The following RAD23B variants were observed in gnomAD, a reference collection of about 807,000 sequenced individuals.
The protein encoded by RAD23B is lysine-specific demethylase RAD23B.
Under a neutral mutation model 49.1 loss-of-function variants are expected in RAD23B, and 5 were observed. The ratio of observed to expected loss-of-function variants is 0.10; its 90% confidence interval spans 0.05 to 0.21. The LOEUF is 0.21. Ranked by LOEUF, RAD23B falls within the 10% of genes least tolerant of loss-of-function variation. The pLI is 1.00. For missense variants in RAD23B, 356 were observed against 486.7 expected (o/e 0.73, Z 2.53); for synonymous variants, 184 against 165.4 (o/e 1.11, Z -0.86).
intron 1 of RAD23B, among the ~76,000 whole-genome samples, chr9:107,295,594 G>A (rs1826496179): frequency 6.6e-6 from 1 of 152,174 alleles, no homozygotes; most frequent in Non-Finnish European, 1.5e-5. Context: ...CAGTACGAGA[G>A]GATGCTGTGA....
At chr9:107,284,150 GA>G (rs199900471) in intron 1 of RAD23B, 38 of 941,836 alleles carry the variant, frequency 4.0e-5, no homozygotes, top group Middle Eastern at 5.5e-4. Context: ...TGAGCCTTAA[GA>G]AAAAAAAAAG....
intron 7 of RAD23B, among the ~76,000 whole-genome samples, chr9:107,323,228 G>A (rs968831246): frequency 6.6e-6 from 1 of 152,116 alleles, no homozygotes; most frequent in African/African-American, 2.4e-5. Flanking sequence ...ATTGTGAATG[G>A]ATTTTAGACT....
intron 5 of RAD23B, among the ~76,000 whole-genome samples, chr9:107,316,094 C>T (rs1259468227): frequency 6.6e-6 from 1 of 151,912 alleles, no homozygotes; most frequent in Non-Finnish European, 1.5e-5. Context: ...ACTGCAATCT[C>T]CGCCTCCGGG....
In RAD23B at chr9:107,318,421, C is replaced by CT. The variant is rs1827037551; in HGVS notation, c.554-330dup. 6.6e-6 allele frequency among the ~76,000 whole-genome samples: 1 copy of CT among 152,202 alleles called. No homozygotes were observed. Among genetic ancestry groups the CT allele is most frequent in the Admixed American group, 6.5e-5 (1 of 15,280 alleles). ...CCCTCTCATCTGCCTCCTCCTACTA[C>CT]TATTAAGGATTCATGTCATTACACT... On this transcript the variant is annotated intron_variant, in intron 5 of 9. Transcript: ENST00000358015. The surrounding 1 kb of genome is among the most constrained non-coding windows in gnomAD (Gnocchi z 4.3).
At chr9:107,299,231 TA>T (rs1481231149) in intron 1 of RAD23B, among the ~76,000 whole-genome samples, 2 of 152,336 alleles carry the variant, frequency 1.3e-5, no homozygotes, top group East Asian at 3.9e-4. Flanking sequence ...CCTTTCTGTC[TA>T]AAACTCAAGA....
chr9:107,284,049 C>A, intron 1 of RAD23B: 3 of 1,032,878 alleles, frequency 2.9e-6, no homozygotes, highest in Non-Finnish European at 3.5e-6. Context: ...GGTATGGGTG[C>A]ACAGGTGGGG....
chr9:107,309,848 G>A lies in RAD23B; in HGVS notation c.498-1834G>A, dbSNP rs757135886. Among the ~76,000 whole-genome samples the A allele has an allele frequency of 2.1e-3, 319 of 150,946 alleles. 3 individuals carry two copies. Among genetic ancestry groups the A allele is most frequent in the Non-Finnish European group, 1.2e-3 (81 of 67,790 alleles). On this transcript the variant is annotated intron_variant, in intron 4 of 9. Transcript: ENST00000358015. ...CAGGAGGCTGAGGCAGGAGAATGGC[G>A]TGAACCCGGGAGGTGGAGCTTGCAG...
chr9:107,315,246 T>TAC (rs1189056818), intron 5 of RAD23B, among the ~76,000 whole-genome samples: 1 of 152,174 alleles, frequency 6.6e-6, no homozygotes, highest in African/African-American at 2.4e-5. Flanking sequence ...TTCCCCGGTG[T>TAC]ATGTTTTTGT....
In RAD23B at chr9:107,283,701, C is replaced by T. The variant is rs1402986852; in HGVS notation, c.66+6C>T. On this transcript the variant is annotated splice_donor_region_variant and intron_variant, in intron 1 of 9. Coordinates refer to ENST00000358015, the MANE Select transcript of RAD23B (RefSeq NM_002874.5). ...ACATTGACCCCGAGGAGACGGTATG[C>T]GCGCGGGCCGGGGGCAGGGGCAGCC... 1 of 1,461,972 alleles carries T rather than the reference C, an allele frequency of 6.8e-7. No individual in the cohort carries two copies. Among genetic ancestry groups the T allele is most frequent in the Non-Finnish European group, 9.1e-7 (1 of 1,102,392 alleles). 90.6% of individuals were successfully genotyped at this position (1,461,972 alleles called of 1,614,324 possible).
At chr9:107,289,466 A>G (rs11573622) in intron 1 of RAD23B, among the ~76,000 whole-genome samples, 8,985 of 152,172 alleles carry the variant, frequency 0.059, 383 homozygotes, top group South Asian at 0.12. Context: ...GATGACAGGC[A>G]TGAGCCAGCA....
intron 9 of RAD23B, 140 bp downstream of exon 9, chr9:107,325,144 A>G (rs761858289): frequency 3.4e-5 from 22 of 645,112 alleles, no homozygotes; most frequent in Admixed American, 2.2e-4. Context: ...GTGAAACCCC[A>G]TCTCTACTAA....
chr9:107,326,813 T>G lies in RAD23B; in HGVS notation c.1116+1809T>G, dbSNP rs959940052. 4.0e-5 allele frequency among the ~76,000 whole-genome samples: 6 copies of G among 151,468 alleles called. No individual in the cohort carries two copies. The East Asian group carries it at 1.2e-3, about 30-fold the overall frequency. ...CATGCCCGGCTAATTTTGTTTTGTA[T>G]TTTTTTAGTAGAGACGGGGTTTCAA... On this transcript the variant is annotated intron_variant, in intron 9 of 9. Coordinates refer to ENST00000358015, the MANE Select transcript of RAD23B (RefSeq NM_002874.5).
intron 1 of RAD23B, among the ~76,000 whole-genome samples, chr9:107,292,876 T>C (rs116272306): frequency 0.015 from 2,241 of 152,272 alleles, 52 homozygotes; most frequent in African/African-American, 0.051. Context: ...TCTACCTGTG[T>C]ACTAGTTAAC....
At chr9:107,289,783 G>A (rs1417628905) in intron 1 of RAD23B, among the ~76,000 whole-genome samples, 1 of 152,084 alleles carries the variant, frequency 6.6e-6, no homozygotes, top group Admixed American at 6.6e-5. Flanking sequence ...TTGGTATATG[G>A]GTTTTGAAAT....
At chr9:107,290,572 A>C (rs1357462616) in intron 1 of RAD23B, among the ~76,000 whole-genome samples, 1 of 152,230 alleles carries the variant, frequency 6.6e-6, no homozygotes, top group Non-Finnish European at 1.5e-5. Flanking sequence ...GTCCTTAAGC[A>C]CAATACTTTT....
intron 4 of RAD23B, 23 bp downstream of exon 4, chr9:107,306,670 T>C (rs775115586): frequency 6.3e-7 from 1 of 1,591,984 alleles, no homozygotes; most frequent in Admixed American, 1.8e-5. Context: ...TTCTAGGACA[T>C]TCTATCTCAA....
At chr9:107,296,822 A>C (rs763000224) in intron 1 of RAD23B, among the ~76,000 whole-genome samples, 1 of 149,106 alleles carries the variant, frequency 6.7e-6, no homozygotes, top group Non-Finnish European at 1.5e-5. Flanking sequence ...GGCGTGAGCC[A>C]TGGCACCCAG....
chr9:107,295,302 G>A (rs1460384095), intron 1 of RAD23B, among the ~76,000 whole-genome samples: 1 of 152,062 alleles, frequency 6.6e-6, no homozygotes, highest in Non-Finnish European at 1.5e-5. Context: ...AAATGATGAA[G>A]TATTAGGTCT....
chr9:107,310,365 G>A (rs7855751), intron 4 of RAD23B, among the ~76,000 whole-genome samples: 147,856 of 152,322 alleles, frequency 0.97, 71,788 homozygotes, highest in African/African-American at 0.99. Context: ...AAAGATTGAT[G>A]AATTTGACTA....
Sources: gnomAD v4.1 joint callset for allele counts (sites outside exome capture counted in the v4.1 genomes callset) on GRCh38, gnomAD v4.1.1 for gene constraint, Gnocchi (gnomAD v3.1) non-coding constraint, MANE v1.5 for transcripts, NCBI Gene and HGNC (gene_info 2026-07-23, HGNC 2026-07-21) for gene names.